LHPP: variants seen among roughly 807,000 people sequenced by gnomAD.
LHPP encodes the protein phospholysine phosphohistidine inorganic pyrophosphate phosphatase.
A neutral mutation model predicts 30.3 loss-of-function variants in LHPP; 24 were observed. That is an observed-to-expected ratio of 0.79 (90% CI 0.57 to 1.11). The LOEUF (loss-of-function observed/expected upper bound fraction) is 1.11, where lower values mean the gene tolerates loss of function less well. Among genes scored for constraint, LHPP ranks in the 50% most tolerant of loss-of-function variants. LHPP has a pLI of 0.00. For missense variants in LHPP, 356 were observed against 367.2 expected, an observed-to-expected ratio of 0.97 and a Z score of 0.25; for synonymous variants, 150 against 157.1, an observed-to-expected ratio of 0.95 and a Z score of 0.34.
chr10:124,507,872 G>T (rs1420471948), intron 5 of LHPP, among the ~76,000 whole-genome samples: 9 of 126,472 alleles, frequency 7.1e-5, no homozygotes, highest in East Asian at 2.7e-4. Context: ...TTTCAGGTGG[G>T]GGGGTAGGCA....
In LHPP at chr10:124,578,409, CCTT is replaced by C. The variant is rs555714738; in HGVS notation, c.717-34852_717-34850del. On this transcript the variant is annotated intron_variant, in intron 6 of 6. Transcript: ENST00000368842. The stretch of plus-strand genomic sequence containing the variant: ...CGATGTGTCACTGGCCCTCACGTGT[CCTT>C]CTCCGATCTGCTCACTCATTCATCC... Among the ~76,000 whole-genome samples the C allele has an allele frequency of 6.6e-5, 10 of 152,320 alleles. No homozygotes were observed. The South Asian group carries it at 1.7e-3, about 25-fold the overall frequency.
chr10:124,533,686 C>A (rs1198330916), intron 6 of LHPP, among the ~76,000 whole-genome samples: 1 of 152,248 alleles, frequency 6.6e-6, no homozygotes, highest in Admixed American at 6.5e-5. Flanking sequence ...CCCAGGTGGC[C>A]CGCTTCTGCC....
At chr10:124,492,403 G>A (rs1398888312) in intron 3 of LHPP, among the ~76,000 whole-genome samples, 3 of 152,176 alleles carry the variant, frequency 2.0e-5, no homozygotes, top group Non-Finnish European at 2.9e-5. Flanking sequence ...GAGGCTTGGC[G>A]AGTCCAAAAT....
intron 6 of LHPP, among the ~76,000 whole-genome samples, chr10:124,529,633 T>C (rs865989613): frequency 3.4e-4 from 52 of 152,242 alleles, no homozygotes; most frequent in African/African-American, 1.1e-3. Context: ...AGGGGCTCCA[T>C]GACTGTAGAC....
At position 124,596,433 on chromosome 10, in the gene LHPP, C is replaced by T. The variant is rs181937271; in HGVS notation, c.717-16831C>T. Among the ~76,000 whole-genome samples, 6 of 152,310 alleles carry T rather than the reference C, an allele frequency of 3.9e-5. No homozygotes were observed. Among genetic ancestry groups the T allele is most frequent in the African/African-American group, 9.6e-5 (4 of 41,564 alleles). On this transcript the variant is annotated intron_variant, in intron 6 of 6. Transcript: ENST00000368842. This position sits in a 1 kb window ranked among gnomAD's most constrained non-coding sequence, Gnocchi z 4.6. ...CACACGATGTGGCCGGACCTCTCCA[C>T]GCTGGCCATTCAGGTGGACGTGGAG... is the stretch of plus-strand genomic sequence containing the variant.
At chr10:124,484,863 G>A (rs1272162003) in intron 2 of LHPP, among the ~76,000 whole-genome samples, 1 of 152,114 alleles carries the variant, frequency 6.6e-6, no homozygotes, top group African/African-American at 2.4e-5. Flanking sequence ...TAGTCTGAAT[G>A]CAAGAACAGA....
chr10:124,564,272 C>T (rs373088256), intron 6 of LHPP, among the ~76,000 whole-genome samples: 1 of 150,486 alleles, frequency 6.6e-6, no homozygotes, highest in African/African-American at 2.5e-5. Flanking sequence ...TACAGGCACG[C>T]AGCACCACAC....
chr10:124,568,940 G>T (rs1948539815), intron 6 of LHPP, among the ~76,000 whole-genome samples: 1 of 75,014 alleles, frequency 1.3e-5, no homozygotes, highest in South Asian at 6.7e-4. Context: ...CGACTGGCAT[G>T]TTCTGTCCCC....
intron 6 of LHPP, among the ~76,000 whole-genome samples, chr10:124,549,723 G>T (rs1955431827): frequency 6.6e-6 from 1 of 152,244 alleles, no homozygotes; most frequent in Non-Finnish European, 1.5e-5. Context: ...GGCTGGGCCT[G>T]CCTCTGGCCC....
intron 4 of LHPP, among the ~76,000 whole-genome samples, 173 bp from the exon 5 acceptor site, chr10:124,497,863 C>T (rs756328305): frequency 1.3e-5 from 2 of 152,056 alleles, no homozygotes; most frequent in Non-Finnish European, 2.9e-5. Context: ...CCCGGGCAGC[C>T]CTTTCTGGAG....
At chr10:124,607,231 G>A (rs763953471) in intron 6 of LHPP, among the ~76,000 whole-genome samples, 1 of 152,186 alleles carries the variant, frequency 6.6e-6, no homozygotes, top group South Asian at 2.1e-4. Context: ...CAGGTCACAG[G>A]GCACTGGCCA....
intron 6 of LHPP, among the ~76,000 whole-genome samples, chr10:124,536,529 C>T (rs1955032436): frequency 6.6e-6 from 1 of 152,204 alleles, no homozygotes; most frequent in Non-Finnish European, 1.5e-5. Flanking sequence ...AGGCTTTGGG[C>T]TCCAGGGAGG....
At chr10:124,603,095 C>A (rs1949046211) in intron 6 of LHPP, among the ~76,000 whole-genome samples, 1 of 152,154 alleles carries the variant, frequency 6.6e-6, no homozygotes, top group Non-Finnish European at 1.5e-5. Context: ...GGAATCCAGG[C>A]CCCTCACCAT....
intron 6 of LHPP, among the ~76,000 whole-genome samples, chr10:124,598,842 CATCT>C: frequency 6.6e-6 from 1 of 151,820 alleles, no homozygotes; most frequent in Non-Finnish European, 1.5e-5. Flanking sequence ...TCTGTCCATC[CATCT>C]GTCCACCTGT....
intron 6 of LHPP, among the ~76,000 whole-genome samples, chr10:124,591,391 A>G (rs2134001787): frequency 6.6e-6 from 1 of 150,996 alleles, no homozygotes; most frequent in Non-Finnish European, 1.5e-5. Flanking sequence ...CCTGCCATGG[A>G]CAGTGTGGGG....
chr10:124,577,127 T>G (rs1196102405), intron 6 of LHPP, among the ~76,000 whole-genome samples: 1 of 152,188 alleles, frequency 6.6e-6, no homozygotes, highest in Admixed American at 6.5e-5. Context: ...CCAGACAGGT[T>G]CCATAGCCTG....
At chr10:124,549,624 T>G (rs1378288221) in intron 6 of LHPP, among the ~76,000 whole-genome samples, 1 of 152,268 alleles carries the variant, frequency 6.6e-6, no homozygotes, top group Admixed American at 6.5e-5. Context: ...TTTTTCCCCT[T>G]AATCTGAGCA....
At chr10:124,580,158 C>G (rs1316728019) in intron 6 of LHPP, among the ~76,000 whole-genome samples, 1 of 152,166 alleles carries the variant, frequency 6.6e-6, no homozygotes, top group Non-Finnish European at 1.5e-5. Context: ...CATTTCACTC[C>G]CACTCGTTTG....
At chr10:124,552,500 T>C (rs1237052881) in intron 6 of LHPP, among the ~76,000 whole-genome samples, 1 of 152,206 alleles carries the variant, frequency 6.6e-6, no homozygotes, top group Non-Finnish European at 1.5e-5. Flanking sequence ...AAGCCATCTC[T>C]ACCTGGAGGG....
Sources: gnomAD v4.1 joint callset for allele counts (sites outside exome capture counted in the v4.1 genomes callset) on GRCh38, gnomAD v4.1.1 for gene constraint, Gnocchi (gnomAD v3.1) non-coding constraint, MANE v1.5 for transcripts, NCBI Gene and HGNC (gene_info 2026-07-23, HGNC 2026-07-21) for gene names.